The following MAP2K5 variants were observed in gnomAD, a reference collection of about 807,000 sequenced individuals.
The protein encoded by MAP2K5 is mitogen-activated protein kinase kinase 5, also known as dual specificity mitogen-activated protein kinase kinase 5.
A neutral mutation model predicts 83.1 loss-of-function variants in MAP2K5; 49 were observed. The observed-to-expected ratio is 0.59, with a 90% confidence interval of 0.47 to 0.75. The LOEUF is 0.75. Among genes scored for constraint, MAP2K5 ranks in the 30% least tolerant of loss-of-function variants. The pLI is 0.00. For missense variants in MAP2K5, 457 were observed against 557.5 expected, an observed-to-expected ratio of 0.82 and a Z score of 1.82; for synonymous variants, 202 against 191.8, an observed-to-expected ratio of 1.05 and a Z score of -0.44.
intron 13 of MAP2K5, among the ~76,000 whole-genome samples, 193 bp from the exon 14 acceptor site, chr15:67,692,286 G>A (rs139325807): frequency 6.6e-5 from 10 of 152,252 alleles, no homozygotes; most frequent in East Asian, 1.9e-4. Context: ...ATCGTTGAAC[G>A]TGGAGGAGTT....
intron 3 of MAP2K5, among the ~76,000 whole-genome samples, chr15:67,570,630 T>C (rs537364512): frequency 6.6e-6 from 1 of 152,332 alleles, no homozygotes; most frequent in South Asian, 2.1e-4. Context: ...ATGTAAAGTA[T>C]GAGAAATAAT....
chr15:67,596,061 G>C (rs1402005938), intron 7 of MAP2K5, among the ~76,000 whole-genome samples: 1 of 151,576 alleles, frequency 6.6e-6, no homozygotes, highest in Non-Finnish European at 1.5e-5. Context: ...AATCTACTCA[G>C]ATCAGATCTA....
At position 67,794,055 on chromosome 15, in the gene MAP2K5, CTT is replaced by C. The variant is rs560314389; in HGVS notation, c.1243-12589_1243-12588del. ...TGTCTTTCTTAACAGTGGAAATAGA[CTT>C]TGGTTTCATGAGGCTCTGCAGTGAA... On this transcript the variant is annotated intron_variant, in intron 21 of 21. Coordinates refer to ENST00000178640, the MANE Select transcript of MAP2K5 (RefSeq NM_145160.3). This position sits in a 1 kb window ranked among gnomAD's most constrained non-coding sequence, Gnocchi z 4.6. Among the ~76,000 whole-genome samples the C allele has an allele frequency of 2.8e-4, 42 of 152,306 alleles. 1 individual carries two copies. Among genetic ancestry groups the C allele is most frequent in the Admixed American group, 2.7e-3 (41 of 15,290 alleles).
intron 1 of MAP2K5, chr15:67,549,028 C>T: frequency 6.8e-7 from 1 of 1,460,344 alleles, no homozygotes; most frequent in East Asian, 2.5e-5. Context: ...AAGTGCCCTG[C>T]TTGGAAAGGC....
chr15:67,683,486 G>C (rs1346095234), intron 13 of MAP2K5, among the ~76,000 whole-genome samples: 1 of 152,210 alleles, frequency 6.6e-6, no homozygotes, highest in Non-Finnish European at 1.5e-5. Context: ...GGGAGGCGGG[G>C]TGTGGTGGCT....
At chr15:67,657,733 T>C (rs1316658426) in intron 11 of MAP2K5, among the ~76,000 whole-genome samples, 1 of 152,002 alleles carries the variant, frequency 6.6e-6, no homozygotes, top group Non-Finnish European at 1.5e-5. Context: ...TATATATATA[T>C]ATATGCATGT....
chr15:67,650,227 C>T (rs1317978794), intron 11 of MAP2K5, among the ~76,000 whole-genome samples: 1 of 151,826 alleles, frequency 6.6e-6, no homozygotes, highest in Non-Finnish European at 1.5e-5. Flanking sequence ...TTTGTGGATT[C>T]CTTAGGGTTC....
intron 11 of MAP2K5, among the ~76,000 whole-genome samples, chr15:67,655,135 C>A (rs1285369132): frequency 6.6e-6 from 1 of 151,604 alleles, no homozygotes; most frequent in Non-Finnish European, 1.5e-5. Context: ...CTTTTTTATG[C>A]TATTATTGTC....
intron 19 of MAP2K5, among the ~76,000 whole-genome samples, chr15:67,756,842 C>T (rs2089848695): frequency 6.6e-6 from 1 of 152,088 alleles, no homozygotes; most frequent in African/African-American, 2.4e-5. Flanking sequence ...TCTGAACCTT[C>T]AGGTTCATAT....
chr15:67,621,865 A>G (rs577515377), intron 8 of MAP2K5, among the ~76,000 whole-genome samples: 4 of 152,336 alleles, frequency 2.6e-5, no homozygotes, highest in East Asian at 3.9e-4. Context: ...AATAAATTTT[A>G]TCAGGTGTTG....
chr15:67,754,830 A>G (rs1034847420), intron 19 of MAP2K5, among the ~76,000 whole-genome samples: 5 of 152,218 alleles, frequency 3.3e-5, no homozygotes, highest in African/African-American at 1.2e-4. Flanking sequence ...GCATGCCAAA[A>G]AGCGTAGGTG....
intron 19 of MAP2K5, among the ~76,000 whole-genome samples, chr15:67,752,693 AAAAG>A (rs1249841161): frequency 2.0e-5 from 3 of 151,902 alleles, no homozygotes; most frequent in South Asian, 2.1e-4. Flanking sequence ...AAAAAAAAGA[AAAAG>A]AAAGAAAGAA....
intron 16 of MAP2K5, among the ~76,000 whole-genome samples, chr15:67,725,190 C>A (rs559133143): frequency 6.6e-6 from 1 of 152,164 alleles, no homozygotes; most frequent in South Asian, 2.1e-4. Flanking sequence ...TCTCTGTTGT[C>A]TTGCATGGCA....
At chr15:67,549,108 A>G (rs977368246) in intron 1 of MAP2K5, 9 of 1,533,910 alleles carry the variant, frequency 5.9e-6, no homozygotes, top group African/African-American at 2.7e-5. Flanking sequence ...GTTCTGCTGC[A>G]GCCTGGGAGG....
At chr15:67,687,298 A>G (rs2087982419) in intron 13 of MAP2K5, among the ~76,000 whole-genome samples, 1 of 152,192 alleles carries the variant, frequency 6.6e-6, no homozygotes, top group Admixed American at 6.5e-5. Flanking sequence ...GTAGAACACA[A>G]AAAGCTGTAT....
At chr15:67,761,477 A>G (rs961248972) in intron 19 of MAP2K5, among the ~76,000 whole-genome samples, 1 of 152,226 alleles carries the variant, frequency 6.6e-6, no homozygotes, top group Non-Finnish European at 1.5e-5. Context: ...ACACGCAGCC[A>G]CTGGTAGTTC....
intron 13 of MAP2K5, among the ~76,000 whole-genome samples, chr15:67,688,391 C>A (rs187013086): frequency 6.2e-4 from 95 of 152,260 alleles, no homozygotes; most frequent in South Asian, 6.2e-3. Flanking sequence ...TATAATAGAG[C>A]AAGTGTAAAA....
intron 8 of MAP2K5, among the ~76,000 whole-genome samples, chr15:67,629,850 T>A (rs2086424843): frequency 6.6e-6 from 1 of 152,250 alleles, no homozygotes; most frequent in Non-Finnish European, 1.5e-5. Context: ...TGTGGTTTAT[T>A]TTGAAATTTT....
At chr15:67,633,960 T>G (rs1170737938) in intron 9 of MAP2K5, among the ~76,000 whole-genome samples, 1 of 152,218 alleles carries the variant, frequency 6.6e-6, no homozygotes, top group Non-Finnish European at 1.5e-5. Context: ...TCTGATTTAA[T>G]TCCATTGTGG....
Sources: allele counts gnomAD v4.1 joint callset (sites outside exome capture counted in the v4.1 genomes callset), GRCh38; gene constraint gnomAD v4.1.1; non-coding constraint Gnocchi (gnomAD v3.1); transcripts MANE v1.5; gene names NCBI Gene and HGNC (gene_info 2026-07-23, HGNC 2026-07-21).